Variants in ZNF431 observed in about 807,000 individuals in gnomAD.
ZNF431 encodes zinc finger protein 431.
ZNF431 carries 34 observed loss-of-function variants against 57.0 expected under a neutral mutation model. The observed-to-expected ratio is 0.60, with a 90% CI of 0.45 to 0.79. The LOEUF (loss-of-function observed/expected upper bound fraction) is 0.79. Ranked by LOEUF, ZNF431 falls within the 30% of genes least tolerant of loss-of-function variation. The pLI is 0.00. For missense variants in ZNF431, 607 were observed against 667.1 expected (o/e 0.91, Z 0.99); for synonymous variants, 207 against 220.3 (o/e 0.94, Z 0.54).
In ZNF431 at chr19:21,183,192, T is replaced by C. The variant is rs768236050; in HGVS notation, c.889T>C (p.Phe297Leu). 2 of 1,613,854 alleles carry C rather than the reference T, an allele frequency of 1.2e-6. No individual in the cohort carries two copies. Among genetic ancestry groups the C allele is most frequent in the African/African-American group, 2.7e-5 (2 of 74,904 alleles). The change falls in exon 5 of 5, where the codon TTC (phenylalanine) becomes CTC (leucine). Residue 297 changes from phenylalanine to leucine, a missense_variant. Phe to Leu is a conservative substitution (Grantham distance 22). Transcript: ENST00000311048. Reference protein sequence around the residue: ...PYRCEECGKAFNRSSHLTTHK... With the variant: ...PYRCEECGKALNRSSHLTTHK... ...TAGATGTGAAGAATGTGGCAAAGCC[T>C]TCAACCGGTCCTCACACCTTACTAC...
intron 2 of ZNF431, among the ~76,000 whole-genome samples, chr19:21,143,890 A>G (rs1253257754): frequency 1.3e-5 from 2 of 152,168 alleles, no homozygotes; most frequent in Non-Finnish European, 2.9e-5. Flanking sequence ...AAACAAAAAC[A>G]AAAACAAAAA....
Position 21,164,030 on chromosome 19 carries a change from G to A in ZNF431, c.97-2305G>A, listed in dbSNP as rs1210178968. On this transcript the variant is annotated intron_variant, in intron 2 of 4. Coordinates refer to ENST00000311048, the MANE Select transcript of ZNF431 (RefSeq NM_133473.4). Reference sequence around the variant, plus strand: ...TGGGAGGCGGATGTTGCAGTGAGCTGAGATTGCACCATTACACTCGAGCCT... The same window carrying A: ...TGGGAGGCGGATGTTGCAGTGAGCTAAGATTGCACCATTACACTCGAGCCT... Among the ~76,000 whole-genome samples the A allele has an allele frequency of 2.7e-5, 4 of 148,996 alleles. No individual in the cohort carries two copies. The Admixed American group carries it at 2.7e-4, about 10-fold the overall frequency.
At chr19:21,171,716 T>A (rs12983958) in intron 4 of ZNF431, among the ~76,000 whole-genome samples, 1,742 of 9,106 alleles carry the variant, frequency 0.19, 40 homozygotes, top group Non-Finnish European at 0.35. Flanking sequence ...ATATATATTT[T>A]TTTTTTTTTT....
chr19:21,146,954 G>A (rs1443432327), intron 2 of ZNF431, among the ~76,000 whole-genome samples: 1 of 152,148 alleles, frequency 6.6e-6, no homozygotes, highest in Non-Finnish European at 1.5e-5. Context: ...ACTACTTCAT[G>A]CTGAATAGGG....
In ZNF431 at chr19:21,190,096, G is replaced by A. The variant is rs915629591; in HGVS notation, c.*6062G>A. The A allele has an allele frequency of 2.4e-5, 9 of 379,682 alleles. No homozygotes were observed. The highest frequency in any genetic ancestry group is 1.9e-4 in the African/African-American group (9 of 48,202). 23.5% of individuals were successfully genotyped at this position (379,682 alleles called of 1,614,324 possible). On this transcript the variant is annotated 3_prime_UTR_variant, in exon 5 of 5. Transcript: ENST00000311048. The stretch of plus-strand genomic sequence containing the variant: ...AGGCATGAGAATCCCTTGAACCACA[G>A]ATGCAGAGGTTGCAGTGAACTGAGA...
intron 1 of ZNF431, 24 bp downstream of exon 1, chr19:21,142,210 C>A: frequency 1.2e-6 from 2 of 1,613,040 alleles, no homozygotes; most frequent in Non-Finnish European, 1.7e-6. Context: ...GTCGGACATC[C>A]CGAGAGAGGG....
intron 4 of ZNF431, chr19:21,169,723 C>CTTA: frequency 2.5e-6 from 1 of 398,388 alleles, no homozygotes; most frequent in Non-Finnish European, 4.4e-6. Flanking sequence ...TATAATGGCC[C>CTTA]TATCAGGATG....
intron 2 of ZNF431, among the ~76,000 whole-genome samples, chr19:21,153,390 C>T (rs530503412): frequency 6.6e-6 from 1 of 152,280 alleles, no homozygotes; most frequent in Admixed American, 6.5e-5. Flanking sequence ...TGGTTCAGTA[C>T]ACCTCTGACA....
chr19:21,173,183 A>T (rs1970956098), intron 4 of ZNF431, among the ~76,000 whole-genome samples: 1 of 152,190 alleles, frequency 6.6e-6, no homozygotes, highest in Admixed American at 6.5e-5. Flanking sequence ...ATGTGTTTAT[A>T]AATTAAGAGA....
intron 4 of ZNF431, among the ~76,000 whole-genome samples, chr19:21,176,623 C>A (rs1005663154): frequency 6.6e-6 from 1 of 152,116 alleles, no homozygotes; most frequent in Admixed American, 6.6e-5. Flanking sequence ...TAACCTTAGT[C>A]AGATGGATAG....
At chr19:21,154,581 T>C (rs918172679) in intron 2 of ZNF431, among the ~76,000 whole-genome samples, 8 of 152,206 alleles carry the variant, frequency 5.3e-5, no homozygotes, top group African/African-American at 1.9e-4. Flanking sequence ...TCTAGATCCC[T>C]GAGGAATCGC....
chr19:21,170,491 G>A (rs540283940), intron 4 of ZNF431, among the ~76,000 whole-genome samples: 1 of 151,980 alleles, frequency 6.6e-6, no homozygotes, highest in South Asian at 2.1e-4. Flanking sequence ...GAATTTACAT[G>A]TTATGCCTGA....
In ZNF431 at chr19:21,189,840, T is replaced by C. The variant is rs544401278; in HGVS notation, c.*5806T>C. The C allele has an allele frequency of 2.4e-4, 95 of 397,872 alleles. No homozygotes were observed. The Admixed American group carries it at 3.9e-3, about 16-fold the overall frequency. The allele number at this position is 397,872 out of a possible 1,614,324, so 24.6% of individuals were successfully genotyped here. A position where few individuals can be genotyped will look rare whatever the true frequency, so the allele number is the denominator to read the frequency against. Reference sequence around the variant, plus strand: ...CCAACTTCATCCATGTGATTGAGAATAATAGTTTTTGTTTTTTTTTTAAGG... The same window carrying C: ...CCAACTTCATCCATGTGATTGAGAACAATAGTTTTTGTTTTTTTTTTAAGG... On this transcript the variant is annotated 3_prime_UTR_variant, in exon 5 of 5. Transcript: ENST00000311048.
At position 21,183,619 on chromosome 19, in the gene ZNF431, G is replaced by A. The variant is rs372975918; in HGVS notation, c.1316G>A (p.Arg439Gln). ...GAAGAATGTGGCAAAGCTTTTAACC[G>A]GTCCCCACAACTTACTGCACATAAG... ...KCEECGKAFNRSPQLTAHKII... is the reference protein window; with the variant it reads ...KCEECGKAFNQSPQLTAHKII... The change falls in exon 5 of 5, where the codon CGG (arginine) becomes CAG (glutamine). Residue 439 changes from arginine to glutamine, a missense_variant. Arg to Gln is a conservative substitution (Grantham distance 43, BLOSUM62 1). Transcript: ENST00000311048. 10 of 1,610,438 alleles carry A rather than the reference G, an allele frequency of 6.2e-6. No homozygotes were observed. The highest frequency in any genetic ancestry group is 1.4e-5 in the African/African-American group (1 of 73,906).
chr19:21,145,396 G>A (rs573882928), intron 2 of ZNF431, among the ~76,000 whole-genome samples: 1 of 152,344 alleles, frequency 6.6e-6, no homozygotes, highest in African/African-American at 2.4e-5. Context: ...AGAATGGCAT[G>A]AACCCGAGAG....
intron 2 of ZNF431, among the ~76,000 whole-genome samples, chr19:21,165,736 G>T (rs1970702822): frequency 6.7e-6 from 1 of 149,894 alleles, no homozygotes; most frequent in Non-Finnish European, 1.5e-5. Context: ...TTTTGCATGT[G>T]TCTGTCTTTG....
At chr19:21,172,181 C>A (rs1158817669) in intron 4 of ZNF431, among the ~76,000 whole-genome samples, 10 of 151,046 alleles carry the variant, frequency 6.6e-5, no homozygotes, top group Admixed American at 1.3e-4. Context: ...ATAATCCCAG[C>A]ACTTTGGGAG....
intron 4 of ZNF431, among the ~76,000 whole-genome samples, chr19:21,170,586 T>G (rs1409259166): frequency 6.6e-6 from 1 of 150,784 alleles, no homozygotes; most frequent in African/African-American, 2.4e-5. Flanking sequence ...AAAGGAATTA[T>G]AGGATTTTCA....
intron 2 of ZNF431, among the ~76,000 whole-genome samples, chr19:21,151,454 C>T (rs989355192): frequency 2.0e-5 from 3 of 152,146 alleles, no homozygotes; most frequent in African/African-American, 7.2e-5. Flanking sequence ...CCAAAAGTAA[C>T]TTCACAGGTG....
Sources: allele counts gnomAD v4.1 joint callset (sites outside exome capture counted in the v4.1 genomes callset), GRCh38; gene constraint gnomAD v4.1.1; transcripts MANE v1.5; gene names NCBI Gene and HGNC (gene_info 2026-07-23, HGNC 2026-07-21).